Variants in ZYG11B observed in about 807,000 individuals in gnomAD.
ZYG11B encodes the protein zyg-11 family member B, cell cycle regulator, also known as protein zyg-11 homolog B.
In ZYG11B, 36 loss-of-function variants were observed where a neutral mutation model predicts 82.4. The observed-to-expected ratio is 0.44, with a 90% CI of 0.33 to 0.58. The LOEUF (loss-of-function observed/expected upper bound fraction) is 0.58, where lower values mean the gene tolerates loss of function less well. Among genes scored for constraint, ZYG11B ranks in the 20% least tolerant of loss-of-function variants. ZYG11B has a pLI of 0.02. For missense variants in ZYG11B, 552 were observed against 895.6 expected, an observed-to-expected ratio of 0.62 and a Z score of 4.90; for synonymous variants, 303 against 312.8, an observed-to-expected ratio of 0.97 and a Z score of 0.33.
chr1:52,782,310 T>C (rs754231616), intron 4 of ZYG11B, among the ~76,000 whole-genome samples: 1 of 152,152 alleles, frequency 6.6e-6, no homozygotes, highest in Non-Finnish European at 1.5e-5. Flanking sequence ...CAGGCTGGTC[T>C]CAAATTCCTG....
chr1:52,728,142 A>G lies in ZYG11B; in HGVS notation c.30+1459A>G, dbSNP rs988422082. 1.0e-3 allele frequency among the ~76,000 whole-genome samples: 157 copies of G among 152,286 alleles called. 1 individual carries two copies. The highest frequency in any genetic ancestry group is 3.7e-3 in the African/African-American group (154 of 41,558). ...CAACCGTTCCTTACTTATTATTCCA[A>G]GTGCCCAGGCCAGCTAGGTGCTTGA... On this transcript the variant is annotated intron_variant, in intron 1 of 13. Transcript: ENST00000294353.
chr1:52,783,863 TGTAC>T (rs1644882650), intron 4 of ZYG11B, among the ~76,000 whole-genome samples: 2 of 147,140 alleles, frequency 1.4e-5, no homozygotes, highest in African/African-American at 5.0e-5. Flanking sequence ...TGTGTGTGTA[TGTAC>T]ATACACGTGT....
At chr1:52,819,667 C>T (rs914997244) in intron 13 of ZYG11B, among the ~76,000 whole-genome samples, 1 of 151,370 alleles carries the variant, frequency 6.6e-6, no homozygotes, top group African/African-American at 2.4e-5. Flanking sequence ...CACATCTGTA[C>T]TCTCAGCTAC....
At chr1:52,821,317 A>G in intron 13 of ZYG11B, 122 bp from the exon 14 acceptor site, 9 of 914,472 alleles carry the variant, frequency 9.8e-6, no homozygotes, top group Non-Finnish European at 1.3e-5. Flanking sequence ...CATGTTAGTG[A>G]TCAATAACAA....
intron 1 of ZYG11B, among the ~76,000 whole-genome samples, chr1:52,738,904 C>G (rs1193672085): frequency 3.3e-5 from 5 of 151,288 alleles, no homozygotes; most frequent in African/African-American, 1.2e-4. Context: ...GCCACCATGC[C>G]CGGCCAGGAC....
chr1:52,735,856 C>G (rs1292548050), intron 1 of ZYG11B, among the ~76,000 whole-genome samples: 1 of 152,032 alleles, frequency 6.6e-6, no homozygotes, highest in African/African-American at 2.4e-5. Flanking sequence ...GTGAAGATAC[C>G]TTTTTAACAC....
chr1:52,806,062 A>G (rs1645139399), intron 10 of ZYG11B, among the ~76,000 whole-genome samples: 1 of 152,014 alleles, frequency 6.6e-6, no homozygotes, highest in Admixed American at 6.6e-5. Flanking sequence ...TTACCTTGTG[A>G]TTAAATTTTT....
chr1:52,759,893 C>T (rs11206009), intron 2 of ZYG11B, among the ~76,000 whole-genome samples: 48,208 of 151,990 alleles, frequency 0.32, 8,340 homozygotes, highest in Admixed American at 0.44. Context: ...TGCAGTGGCG[C>T]GATCTCGGCT....
intron 1 of ZYG11B, among the ~76,000 whole-genome samples, chr1:52,749,479 T>C (rs1447260677): frequency 6.6e-6 from 1 of 152,260 alleles, no homozygotes; most frequent in Middle Eastern, 3.2e-3. Flanking sequence ...TATAGGTCTC[T>C]CTTTTTCCAA....
chr1:52,821,598 G>A lies in ZYG11B; in HGVS notation c.2204G>A (p.Cys735Tyr). ...HIVRHGRPPP[C>Y]KKQPQARLN ...GTGCGCCATGGGAGGCCACCTCCCT[G>A]TAAAAAACAGCCCCAAGCCAGACTA... Residue 735 changes from cysteine (C) to tyrosine (Y), a missense_variant, in exon 14 of 14, where the codon TGT becomes TAT. Coordinates refer to ENST00000294353, the MANE Select transcript of ZYG11B (RefSeq NM_024646.3). 1.2e-6 allele frequency: 2 copies of A among 1,613,486 alleles called. No individual in the cohort carries two copies. Among genetic ancestry groups the A allele is most frequent in the Middle Eastern group, 1.7e-4 (1 of 6,054 alleles).
intron 1 of ZYG11B, among the ~76,000 whole-genome samples, chr1:52,727,336 G>T (rs1644294819): frequency 6.6e-6 from 1 of 152,004 alleles, no homozygotes; most frequent in Non-Finnish European, 1.5e-5. Flanking sequence ...CTTCCTTTTC[G>T]TTTTTGGAGG....
Position 52,801,798 on chromosome 1 carries a change from TTC to T in ZYG11B, c.1486-19_1486-18del. On this transcript the variant is annotated intron_variant, in intron 8 of 13. Coordinates refer to ENST00000294353, the MANE Select transcript of ZYG11B (RefSeq NM_024646.3). ...TAACAGTTCAAAAGTGAAAACTTAT[TTC>T]TGTTTTTTTTTTTTTCAGCAACTTC... The T allele has an allele frequency of 1.9e-6, 3 of 1,564,836 alleles. No individual in the cohort carries two copies. The highest frequency in any genetic ancestry group is 2.6e-6 in the Non-Finnish European group (3 of 1,158,502).
At chr1:52,820,507 G>T (rs905097407) in intron 13 of ZYG11B, among the ~76,000 whole-genome samples, 1 of 151,612 alleles carries the variant, frequency 6.6e-6, no homozygotes, top group Admixed American at 6.6e-5. Flanking sequence ...ATTTAGCCAG[G>T]TGTGGTGGCT....
At chr1:52,785,629 G>A (rs535301275) in intron 5 of ZYG11B, among the ~76,000 whole-genome samples, 42 of 152,160 alleles carry the variant, frequency 2.8e-4, no homozygotes, top group African/African-American at 8.7e-4. Context: ...ACTAATTTTT[G>A]TATTCTTAGT....
In ZYG11B at chr1:52,819,801, T is replaced by TA. The variant is rs1558146007; in HGVS notation, c.2045-1636dup. Among the ~76,000 whole-genome samples the TA allele has an allele frequency of 5.7e-4, 83 of 146,568 alleles. 1 individual carries two copies. The highest frequency in any genetic ancestry group is 3.2e-3 in the South Asian group (15 of 4,672). On this transcript the variant is annotated intron_variant, in intron 13 of 13. Coordinates refer to ENST00000294353, the MANE Select transcript of ZYG11B (RefSeq NM_024646.3). ...ACTCTGTCTGAAAAAAAAATAATAA[T>TA]AATAATAATAATAGTGCATTTTCAT...
In ZYG11B at chr1:52,813,724, G is replaced by A. The variant is rs773967020; in HGVS notation, c.1884G>A (p.Leu628=). 5 of 1,614,038 alleles carry A rather than the reference G, an allele frequency of 3.1e-6. No homozygotes were observed. The South Asian group carries it at 5.5e-5, about 18-fold the overall frequency. Residue 628 remains leucine (L), a synonymous_variant, in exon 11 of 14, where the codon CTG becomes CTA. Transcript: ENST00000294353. ...GTCGTAGCCAGAGGAATTCTCTGCTGGATGATTTGGTAGGGTCATTCCATA... is the reference window on the plus strand; with the variant it reads ...GTCGTAGCCAGAGGAATTCTCTGCTAGATGATTTGGTAGGGTCATTCCATA... ...TLSRSQRNSL[L]DDLHSAILKW...
intron 1 of ZYG11B, among the ~76,000 whole-genome samples, chr1:52,739,898 C>A (rs1274647159): frequency 6.6e-6 from 1 of 152,192 alleles, no homozygotes; most frequent in African/African-American, 2.4e-5. Flanking sequence ...GAGCCACGCT[C>A]CTGGCCCTTG....
intron 3 of ZYG11B, chr1:52,772,440 T>C (rs551753271): frequency 6.4e-7 from 1 of 1,567,498 alleles, no homozygotes; most frequent in East Asian, 2.2e-5. Flanking sequence ...TCTTAAAATT[T>C]TATTGCCTGT....
chr1:52,802,287 C>T (rs1273838824), intron 10 of ZYG11B, 148 bp downstream of exon 10: 2 of 586,640 alleles, frequency 3.4e-6, no homozygotes, highest in East Asian at 6.0e-5. Context: ...TTCCCAATAC[C>T]TCACCATGAT....
Sources: gnomAD v4.1 joint callset for allele counts (sites outside exome capture counted in the v4.1 genomes callset) on GRCh38, gnomAD v4.1.1 for gene constraint, MANE v1.5 for transcripts, NCBI Gene and HGNC (gene_info 2026-07-23, HGNC 2026-07-21) for gene names.